Variants in NRG3 observed in about 807,000 individuals in gnomAD.
NRG3 encodes the protein pro-neuregulin-3, membrane-bound isoform.
In NRG3, 31 loss-of-function variants were observed where a neutral mutation model predicts 66.9. The ratio of observed to expected loss-of-function variants is 0.46; its 90% CI spans 0.35 to 0.63. The LOEUF is 0.63. Ranked by LOEUF, NRG3 falls within the 20% of genes least tolerant of loss-of-function variation. NRG3 has a pLI of 0.00. For synonymous variants in NRG3, 393 were observed against 359.4 expected (o/e 1.09, Z -1.06); for missense variants, 910 against 878.9 (o/e 1.04, Z -0.45).
intron 1 of NRG3, among the ~76,000 whole-genome samples, chr10:81,921,506 G>A (rs1846251104): frequency 6.6e-6 from 1 of 152,042 alleles, no homozygotes; most frequent in Admixed American, 6.5e-5. Flanking sequence ...AACTTGTTAA[G>A]TAAGACTTTC....
intron 2 of NRG3, among the ~76,000 whole-genome samples, chr10:82,493,778 A>G (rs1360608681): frequency 6.6e-6 from 1 of 152,212 alleles, no homozygotes; most frequent in Non-Finnish European, 1.5e-5. Context: ...GCTTCTGCAC[A>G]GCAAAAGAAA....
At chr10:82,596,580 T>C (rs1162784049) in intron 2 of NRG3, among the ~76,000 whole-genome samples, 1 of 152,142 alleles carries the variant, frequency 6.6e-6, no homozygotes, top group Admixed American at 6.6e-5. Flanking sequence ...TCCCTGGTAG[T>C]AAGGTAAGGG....
chr10:81,945,304 C>A (rs1351522330), intron 1 of NRG3, among the ~76,000 whole-genome samples: 2 of 151,802 alleles, frequency 1.3e-5, no homozygotes, highest in African/African-American at 2.4e-5. Context: ...CTTTTATCTC[C>A]TTCTTTCTCC....
At chr10:82,739,652 T>G (rs986049499) in intron 3 of NRG3, among the ~76,000 whole-genome samples, 1 of 152,248 alleles carries the variant, frequency 6.6e-6, no homozygotes, top group Non-Finnish European at 1.5e-5. Context: ...AATGCAAAGT[T>G]ATTTGAAAGA....
At chr10:82,436,622 C>G (rs568829947) in intron 2 of NRG3, among the ~76,000 whole-genome samples, 1 of 152,126 alleles carries the variant, frequency 6.6e-6, no homozygotes, top group East Asian at 1.9e-4. Context: ...TGCAGTTTCT[C>G]CATAATGTCA....
At chr10:82,678,753 GT>G (rs113704348) in intron 2 of NRG3, among the ~76,000 whole-genome samples, 2 of 151,420 alleles carry the variant, frequency 1.3e-5, no homozygotes, top group Middle Eastern at 3.4e-3. Flanking sequence ...CATTACCAGA[GT>G]TTTTTTTTGC....
intron 1 of NRG3, among the ~76,000 whole-genome samples, chr10:82,330,827 T>C (rs1440422691): frequency 6.6e-6 from 1 of 152,188 alleles, no homozygotes; most frequent in African/African-American, 2.4e-5. Flanking sequence ...TAAATTGGCA[T>C]TGCTGATGAC....
chr10:82,867,388 C>T (rs1564583298), intron 4 of NRG3, among the ~76,000 whole-genome samples: 1 of 151,860 alleles, frequency 6.6e-6, no homozygotes, highest in East Asian at 1.9e-4. Context: ...GTTCTATTAG[C>T]TAGAGCTAAA....
intron 1 of NRG3, among the ~76,000 whole-genome samples, chr10:82,290,264 A>G (rs564297125): frequency 2.0e-5 from 3 of 152,202 alleles, no homozygotes; most frequent in African/African-American, 7.2e-5. Context: ...TTGTCTAATT[A>G]TGATTTTTGC....
chr10:81,993,413 C>T (rs1460161480), intron 1 of NRG3, among the ~76,000 whole-genome samples: 2 of 152,092 alleles, frequency 1.3e-5, no homozygotes, highest in East Asian at 1.9e-4. Flanking sequence ...GAGGTGTGAT[C>T]ATAGCTCACT....
intron 2 of NRG3, among the ~76,000 whole-genome samples, chr10:82,526,963 A>G (rs1241484286): frequency 6.6e-6 from 1 of 152,094 alleles, no homozygotes; most frequent in African/African-American, 2.4e-5. Context: ...ATGTTGGATA[A>G]TATCTATTGA....
At chr10:82,552,474 A>C (rs2044376692) in intron 2 of NRG3, among the ~76,000 whole-genome samples, 1 of 152,184 alleles carries the variant, frequency 6.6e-6, no homozygotes, top group Non-Finnish European at 1.5e-5. Context: ...AATGCTGACT[A>C]ATGTGTATTG....
chr10:82,390,994 T>C (rs796473364), intron 2 of NRG3, among the ~76,000 whole-genome samples: 29 of 152,310 alleles, frequency 1.9e-4, no homozygotes, highest in African/African-American at 6.7e-4. Flanking sequence ...ATTACAAATG[T>C]ACTTTTGGAA....
intron 1 of NRG3, among the ~76,000 whole-genome samples, chr10:81,977,155 A>G (rs1267909962): frequency 6.6e-6 from 1 of 152,212 alleles, no homozygotes; most frequent in East Asian, 1.9e-4. Context: ...GCACACTTGC[A>G]GCCTCTGGTG....
At chr10:82,054,320 G>A (rs1356516278) in intron 1 of NRG3, among the ~76,000 whole-genome samples, 1 of 152,092 alleles carries the variant, frequency 6.6e-6, no homozygotes, top group Non-Finnish European at 1.5e-5. Context: ...CTGGATTCTG[G>A]GTATATTTTG....
At chr10:82,419,449 G>C (rs777136774) in intron 2 of NRG3, among the ~76,000 whole-genome samples, 22 of 152,224 alleles carry the variant, frequency 1.4e-4, no homozygotes, top group Admixed American at 5.2e-4. Flanking sequence ...GTTTTATAAA[G>C]GTTGTCTCTG....
At chr10:82,375,719 G>A (rs189194919) in intron 2 of NRG3, among the ~76,000 whole-genome samples, 1 of 152,220 alleles carries the variant, frequency 6.6e-6, no homozygotes, top group Non-Finnish European at 1.5e-5. Context: ...GGTGACCCTT[G>A]GTAATATCTT....
At chr10:82,691,627 G>A (rs548740527) in intron 2 of NRG3, among the ~76,000 whole-genome samples, 1 of 152,256 alleles carries the variant, frequency 6.6e-6, no homozygotes, top group African/African-American at 2.4e-5. Context: ...GAAGGACAAC[G>A]ATCTCTCCAT....
intron 3 of NRG3, among the ~76,000 whole-genome samples, chr10:82,837,103 T>G (rs2062820706): frequency 6.6e-6 from 1 of 152,192 alleles, no homozygotes; most frequent in African/African-American, 2.4e-5. Context: ...TAGTATTCCA[T>G]GGTGTACATG....
Sources: allele counts gnomAD v4.1 joint callset (sites outside exome capture counted in the v4.1 genomes callset), GRCh38; gene constraint gnomAD v4.1.1; transcripts MANE v1.5; gene names NCBI Gene and HGNC (gene_info 2026-07-23, HGNC 2026-07-21).